CTSH: variants seen among roughly 807,000 people sequenced by gnomAD.
CTSH encodes the protein cathepsin H, also known as pro-cathepsin H.
A neutral mutation model predicts 56.3 loss-of-function variants in CTSH; 52 were observed. That is an observed-to-expected ratio of 0.92 (90% CI 0.74 to 1.16). The LOEUF (loss-of-function observed/expected upper bound fraction) is 1.16, where lower values mean the gene tolerates loss of function less well. Among genes scored for constraint, CTSH ranks in the 50% most tolerant of loss-of-function variants. The pLI, the probability that CTSH is intolerant of heterozygous loss-of-function variation, is 0.00. For synonymous variants in CTSH, 174 were observed against 155.7 expected (o/e 1.12, Z -0.88); for missense variants, 406 against 424.5 (o/e 0.96, Z 0.38).
chr15:78,931,792 A>C, intron 6 of CTSH: 1 of 1,361,210 alleles, frequency 7.3e-7, no homozygotes, highest in Non-Finnish European at 9.5e-7. Context: ...AGGTGTGCCC[A>C]TACGATGCAG....
chr15:78,940,119 A>C, intron 1 of CTSH, among the ~76,000 whole-genome samples: 1 of 152,358 alleles, frequency 6.6e-6, no homozygotes. Flanking sequence ...CCAAATATGT[A>C]CAGATATTAT....
Position 78,932,447 on chromosome 15 carries a change from G to T in CTSH, c.417C>A (p.Gly139=). 1 of 1,613,902 alleles carries T rather than the reference G, an allele frequency of 6.2e-7. No homozygotes were observed. The highest frequency in any genetic ancestry group is 8.5e-7 in the Non-Finnish European group (1 of 1,179,854). ...VSPVKNQGAC[G]SCWTFSTTGA... is the part of the protein sequence containing the mutation. The stretch of plus-strand genomic sequence containing the variant: ...CAGTGGTGGAGAAAGTCCAGCAACT[G>T]CCGCAGGCACCCTGGAAAGGCCAGG... The change falls in exon 6 of 12, where the codon GGC becomes GGA. Residue 139 remains glycine, a synonymous_variant. Coordinates refer to ENST00000220166, the MANE Select transcript of CTSH (RefSeq NM_004390.5).
At chr15:78,939,255 T>C in intron 1 of CTSH, 84 bp from the exon 2 acceptor site, 1 of 1,174,852 alleles carries the variant, frequency 8.5e-7, no homozygotes, top group Non-Finnish European at 1.2e-6. Flanking sequence ...TAGAACTGAT[T>C]TGCATTTTCG....
At position 78,925,352 on chromosome 15, in the gene CTSH, C is replaced by A; in HGVS notation, c.788G>T (p.Arg263Ile). 1.2e-6 allele frequency: 2 copies of A among 1,612,536 alleles called. No homozygotes were observed. ...FEVTQDFMMY[R>I]TGIYSSTSCH... Reference sequence around the variant, plus strand: ...GACTCACCTGGAGTAGATGCCGGTTCTATACATCATGAAGTCCTGAGTCAC... The same window carrying A: ...GACTCACCTGGAGTAGATGCCGGTTATATACATCATGAAGTCCTGAGTCAC... The change falls in exon 10 of 12, where the codon AGA (arginine) becomes ATA (isoleucine). Residue 263 changes from arginine to isoleucine, a missense_variant. Physicochemically the swap from Arg to Ile is moderately conservative, Grantham distance 97. Coordinates refer to ENST00000220166, the MANE Select transcript of CTSH (RefSeq NM_004390.5).
intron 1 of CTSH, 158 bp downstream of exon 1, chr15:78,944,728 ATGCAG>A: frequency 2.3e-6 from 3 of 1,286,922 alleles, no homozygotes; most frequent in Non-Finnish European, 3.0e-6. Context: ...CCCGCCTATA[ATGCAG>A]TTTACCCCTC....
chr15:78,922,281 C>A, intron 11 of CTSH, 76 bp from the exon 12 acceptor site: 1 of 1,243,120 alleles, frequency 8.0e-7, no homozygotes. Context: ...TTGCTGCTCA[C>A]CAAGAGCTGA....
intron 9 of CTSH, chr15:78,927,383 A>G: frequency 2.7e-6 from 1 of 369,842 alleles, no homozygotes; most frequent in Non-Finnish European, 5.0e-6. Flanking sequence ...TCAGTTTCAC[A>G]CACGCTGTGT....
intron 1 of CTSH, among the ~76,000 whole-genome samples, chr15:78,943,943 TTAAA>T: frequency 6.6e-6 from 1 of 152,254 alleles, no homozygotes; most frequent in Middle Eastern, 3.4e-3. Context: ...GGGGAGCTTT[TTAAA>T]TAAATAGGTG....
intron 7 of CTSH, among the ~76,000 whole-genome samples, chr15:78,930,698 G>A (rs545724354): frequency 6.6e-6 from 1 of 152,252 alleles, no homozygotes; most frequent in South Asian, 2.1e-4. Flanking sequence ...GGATCTGAGA[G>A]CAGGCTACGA....
At chr15:78,930,362 A>T (rs2055024672) in intron 7 of CTSH, among the ~76,000 whole-genome samples, 1 of 152,040 alleles carries the variant, frequency 6.6e-6, no homozygotes, top group African/African-American at 2.4e-5. Context: ...CCCCATCTCT[A>T]CTAAAAATAC....
chr15:78,938,193 C>T (rs1204978800), intron 2 of CTSH, among the ~76,000 whole-genome samples: 1 of 151,928 alleles, frequency 6.6e-6, no homozygotes, highest in Non-Finnish European at 1.5e-5. Context: ...ACATGGCGAA[C>T]CCCCATCTCT....
chr15:78,927,700 G>A lies in CTSH; in HGVS notation c.699+13C>T, dbSNP rs775557831. 3 of 1,613,196 alleles carry A rather than the reference G, an allele frequency of 1.9e-6. No homozygotes were observed. The highest frequency in any genetic ancestry group is 4.5e-5 in the East Asian group (2 of 44,880). ...GGACACATTCCCCATCCCAGAGGGGGATCGGCACTCACGATTGTGATGTTG... is the reference window on the plus strand; with the variant it reads ...GGACACATTCCCCATCCCAGAGGGGAATCGGCACTCACGATTGTGATGTTG... On this transcript the variant is annotated intron_variant, in intron 9 of 11. Coordinates refer to ENST00000220166, the MANE Select transcript of CTSH (RefSeq NM_004390.5).
chr15:78,934,186 G>A (rs78959439), intron 5 of CTSH, among the ~76,000 whole-genome samples: 2,001 of 152,320 alleles, frequency 0.013, 42 homozygotes, highest in African/African-American at 0.046. Flanking sequence ...CTGCAAGCCC[G>A]GGAGGCTTTA....
At chr15:78,937,485 C>CTTTTTT in intron 2 of CTSH, 62 bp from the exon 3 acceptor site, 2 of 1,481,844 alleles carry the variant, frequency 1.3e-6, no homozygotes, top group Non-Finnish European at 9.3e-7. Flanking sequence ...AGAGGGAGAC[C>CTTTTTT]TTTTTGTTTT....
Position 78,925,331 on chromosome 15 carries a change from C to T in CTSH, c.806+3G>A, listed in dbSNP as rs1385860279. On this transcript the variant is annotated splice_donor_region_variant and intron_variant, in intron 10 of 11. Transcript: ENST00000220166. The stretch of plus-strand genomic sequence containing the variant: ...CCTCCTGGCTCCTGGGACCCTGACT[C>T]ACCTGGAGTAGATGCCGGTTCTATA... The T allele has an allele frequency of 1.9e-6, 3 of 1,594,758 alleles. No individual in the cohort carries two copies. Among genetic ancestry groups the T allele is most frequent in the East Asian group, 2.2e-5 (1 of 44,780 alleles).
intron 6 of CTSH, 130 bp from the exon 7 acceptor site, chr15:78,931,636 T>A (rs576531415): frequency 3.2e-5 from 49 of 1,547,404 alleles, no homozygotes; most frequent in Non-Finnish European, 4.2e-5. Flanking sequence ...GACCAAATTA[T>A]AAACTCCCCA....
Position 78,935,737 on chromosome 15 carries a change from T to A in CTSH, c.243A>T (p.Gln81His), listed in dbSNP as rs1207770696. The change falls in exon 4 of 12, where the codon CAA becomes CAT. Residue 81 changes from glutamine to histidine, a missense_variant. Physicochemically the swap from Gln to His is conservative, Grantham distance 24. Coordinates refer to ENST00000220166, the MANE Select transcript of CTSH (RefSeq NM_004390.5). ...TTTCAGCAAAGCTCATGTCTGAAAA[T>A]TGGTTCAGTGCCACTACAAAAGAGA... ...GNHTFKMALN[Q>H]FSDMSFAEIK... 6.2e-7 allele frequency: 1 copy of A among 1,611,134 alleles called. No homozygotes were observed. Among genetic ancestry groups the A allele is most frequent in the African/African-American group, 1.3e-5 (1 of 74,918 alleles).
At chr15:78,931,788 G>C in intron 6 of CTSH, 10 of 1,368,526 alleles carry the variant, frequency 7.3e-6, no homozygotes, top group Non-Finnish European at 9.5e-6. Flanking sequence ...CCGTAGGTGT[G>C]CCCATACGAT....
chr15:78,931,651 C>T, intron 6 of CTSH, 145 bp from the exon 7 acceptor site: 15 of 1,519,762 alleles, frequency 9.9e-6, no homozygotes, highest in Non-Finnish European at 1.3e-5. Context: ...TCCCCAAGGG[C>T]AGGGACAGTT....
Sources: gnomAD v4.1 joint callset for allele counts (sites outside exome capture counted in the v4.1 genomes callset) on GRCh38, gnomAD v4.1.1 for gene constraint, MANE v1.5 for transcripts, NCBI Gene and HGNC (gene_info 2026-07-23, HGNC 2026-07-21) for gene names.